The following MFSD6L variants were observed in gnomAD, a reference collection of about 807,000 sequenced individuals.
MFSD6L encodes major facilitator superfamily domain-containing protein 6-like.
In MFSD6L, 9 loss-of-function variants were observed where a neutral mutation model predicts 6.4. The ratio of observed to expected loss-of-function variants is 1.42; its 90% confidence interval spans 0.85 to 2.47. The LOEUF (loss-of-function observed/expected upper bound fraction) is 2.47, where lower values mean the gene tolerates loss of function less well. Among genes scored for constraint, MFSD6L ranks in the 30% most tolerant of loss-of-function variants. The probability of loss-of-function intolerance (pLI) is 0.00; values close to 1 mark genes in which losing one functional copy is unlikely to be tolerated. For missense variants in MFSD6L, 747 were observed against 730.6 expected (o/e 1.02, Z -0.26); for synonymous variants, 336 against 322.4 (o/e 1.04, Z -0.45).
At position 8,798,914 on chromosome 17, in the gene MFSD6L, C is replaced by T. The variant is rs1162191715; in HGVS notation, c.207G>A (p.Leu69=). Residue 69 remains leucine, a synonymous_variant, in exon 1 of 1, where the codon CTG becomes CTA. Coordinates refer to ENST00000329805, the MANE Select transcript of MFSD6L (RefSeq NM_152599.4). ...AAFWAPVCAF[L]AKSYRKRRAL... Reference sequence around the variant, plus strand: ...CTCTCCTTTTCCGGTAGCTTTTGGCCAGGAAGGCACAGACGGGAGCCCAGA... The same window carrying T: ...CTCTCCTTTTCCGGTAGCTTTTGGCTAGGAAGGCACAGACGGGAGCCCAGA... 2 of 1,613,740 alleles carry T rather than the reference C, an allele frequency of 1.2e-6. No homozygotes were observed. Among genetic ancestry groups the T allele is most frequent in the South Asian group, 2.2e-5 (2 of 91,070 alleles).
In MFSD6L at chr17:8,798,179, C is replaced by G. The variant is rs189267287; in HGVS notation, c.942G>C (p.Met314Ile). 3.7e-4 allele frequency: 597 copies of G among 1,613,114 alleles called. 4 individuals carry two copies. The East Asian group carries it at 9.4e-3, about 25-fold the overall frequency. ...GGACCACACCTCGGGGGCCACTGGT[C>G]ATCAGGAAGCAGTCCAGCTGCCCCA... is the stretch of plus-strand genomic sequence containing the variant. ...ALVGQLDCFL[M>I]TSGPRGVVHF... Residue 314 changes from methionine (M) to isoleucine (I), a missense_variant, in exon 1 of 1, where the codon ATG becomes ATC. Transcript: ENST00000329805.
Position 8,799,212 on chromosome 17 carries a change from G to C in MFSD6L, c.-92C>G. On this transcript the variant is annotated 5_prime_UTR_variant, in exon 1 of 1. Transcript: ENST00000329805. This position sits in a 1 kb window ranked among gnomAD's most constrained non-coding sequence, Gnocchi z 5.3. The stretch of plus-strand genomic sequence containing the variant: ...CAGGTACCCGGGAGGGAGGCTTGGG[G>C]GACCGGGGCTCGGAGCGAGTGGGAC... 2 of 1,233,630 alleles carry C rather than the reference G, an allele frequency of 1.6e-6. No individual in the cohort carries two copies. Among genetic ancestry groups the C allele is most frequent in the Non-Finnish European group, 1.1e-6 (1 of 919,382 alleles). 76.4% of individuals were successfully genotyped at this position (1,233,630 alleles called of 1,614,324 possible). A position where few individuals can be genotyped will look rare whatever the true frequency, so the allele number is the denominator to read the frequency against.
In MFSD6L at chr17:8,798,580, T is replaced by C. The variant is rs199987411; in HGVS notation, c.541A>G (p.Thr181Ala). The C allele has an allele frequency of 3.1e-6, 5 of 1,614,066 alleles. No homozygotes were observed. The highest frequency in any genetic ancestry group is 4.2e-6 in the Non-Finnish European group (5 of 1,180,020). ...GGATGGAGGAGAGCTTGGGATGTGGTCCTAGCTCCTTCAACGGAGGGCGCT... is the reference window on the plus strand; with the variant it reads ...GGATGGAGGAGAGCTTGGGATGTGGCCCTAGCTCCTTCAACGGAGGGCGCT... Reference protein sequence around the residue: ...YLAPSVEGARTTSQALLHPVT... With the variant: ...YLAPSVEGARATSQALLHPVT... The change falls in exon 1 of 1, where the codon ACC becomes GCC. Residue 181 changes from threonine to alanine, a missense_variant. By Grantham distance (58) the Thr-to-Ala change is moderately conservative. Transcript: ENST00000329805.
rs184703337 is a variant in MFSD6L, at chr17:8,797,753, G to A, written c.1368C>T (p.Ser456=). Residue 456 remains serine, a synonymous_variant, in exon 1 of 1, where the codon TCC becomes TCT. Coordinates refer to ENST00000329805, the MANE Select transcript of MFSD6L (RefSeq NM_152599.4). The stretch of plus-strand genomic sequence containing the variant: ...CACTCAAGATCTGAATGGGGAGGAC[G>A]GACCACCAGCTCCAGAGGAAAGAGT... The part of the protein sequence containing the change: ...LYYSFLWSWW[S]VLPIQILSAI... 28 of 1,613,994 alleles carry A rather than the reference G, an allele frequency of 1.7e-5. No individual in the cohort carries two copies. Among genetic ancestry groups the A allele is most frequent in the African/African-American group, 1.5e-4 (11 of 75,028 alleles).
In MFSD6L at chr17:8,799,045, G is replaced by C. The variant is rs566056775; in HGVS notation, c.76C>G (p.Arg26Gly). The C allele has an allele frequency of 1.2e-6, 2 of 1,610,996 alleles. No individual in the cohort carries two copies. The highest frequency in any genetic ancestry group is 2.2e-5 in the South Asian group (2 of 90,726). The change falls in exon 1 of 1, where the codon CGG (arginine) becomes GGG (glycine). Residue 26 changes from arginine (R) to glycine (G), a missense_variant. Physicochemically the swap from Arg to Gly is moderately radical, Grantham distance 125. Coordinates refer to ENST00000329805, the MANE Select transcript of MFSD6L (RefSeq NM_152599.4). This position sits in a 1 kb window ranked among gnomAD's most constrained non-coding sequence, Gnocchi z 5.3. ...AGGAACGGGGTCACGCAGGCTTCCC[G>C]CACCCCGCACACCAGGTGGAAGAGC... Reference protein sequence around the residue: ...AKLFHLVCGVREACVTPFLTL... With the variant: ...AKLFHLVCGVGEACVTPFLTL...
chr17:8,797,943 A>G lies in MFSD6L; in HGVS notation c.1178T>C (p.Met393Thr), dbSNP rs372968963. The G allele has an allele frequency of 1.2e-4, 188 of 1,613,816 alleles. No individual in the cohort carries two copies. Among genetic ancestry groups the G allele is most frequent in the Non-Finnish European group, 1.5e-4 (180 of 1,180,016 alleles). ...STVQNFLFWH[M>T]KDHGSGELVM... ...CAGCTCGCCGCTCCCATGGTCCTTCATGTGCCAGAACAGAAAGTTCTGGAC... is the reference window on the plus strand; with the variant it reads ...CAGCTCGCCGCTCCCATGGTCCTTCGTGTGCCAGAACAGAAAGTTCTGGAC... The change falls in exon 1 of 1, where the codon ATG (methionine) becomes ACG (threonine). Residue 393 changes from methionine to threonine, a missense_variant. Met to Thr is a moderately conservative substitution (Grantham distance 81). Coordinates refer to ENST00000329805, the MANE Select transcript of MFSD6L (RefSeq NM_152599.4).
Position 8,798,194 on chromosome 17 carries a change from C to A in MFSD6L, c.927G>T (p.Leu309=). 6.2e-7 allele frequency: 1 copy of A among 1,612,580 alleles called. No individual in the cohort carries two copies. Among genetic ancestry groups the A allele is most frequent in the Non-Finnish European group, 8.5e-7 (1 of 1,179,992 alleles). Residue 309 remains leucine (L), a synonymous_variant, in exon 1 of 1, where the codon CTG becomes CTT. Transcript: ENST00000329805. ...GGCCACTGGTCATCAGGAAGCAGTCCAGCTGCCCCACCAAGGCTGTGATGC... is the reference window on the plus strand; with the variant it reads ...GGCCACTGGTCATCAGGAAGCAGTCAAGCTGCCCCACCAAGGCTGTGATGC... ...VCGITALVGQ[L]DCFLMTSGPR... is the part of the protein sequence containing the mutation.
Position 8,797,407 on chromosome 17 carries a change from C to T in MFSD6L, c.1714G>A (p.Glu572Lys), listed in dbSNP as rs768763075. 23 of 1,604,452 alleles carry T rather than the reference C, an allele frequency of 1.4e-5. No homozygotes were observed. Among genetic ancestry groups the T allele is most frequent in the Non-Finnish European group, 1.9e-5 (22 of 1,175,178 alleles). The change falls in exon 1 of 1, where the codon GAA becomes AAA. Residue 572 changes from glutamate to lysine, a missense_variant. Glu to Lys is a moderately conservative substitution (Grantham distance 56). Transcript: ENST00000329805. ...SDTSDSEQGTEQDWLVKAMRE... is the reference protein window; with the variant it reads ...SDTSDSEQGTKQDWLVKAMRE... ...ATGGCCTTCACAAGCCAGTCCTGTT[C>T]TGTCCCCTGCTCAGAGTCACTGGTG...
rs189596826 is a variant in MFSD6L, at chr17:8,797,528, C to G, written c.1593G>C (p.Leu531=). Residue 531 remains leucine (L), a synonymous_variant, in exon 1 of 1, where the codon CTG becomes CTC. Transcript: ENST00000329805. ...AVLYQACCVA[L]LLWLALLLSI... is the part of the protein sequence containing the mutation. Reference sequence around the variant, plus strand: ...ACAGGAGCAAGGCCAACCAGAGCAACAGGGCCACACAGCAGGCCTGGTAGA... The same window carrying G: ...ACAGGAGCAAGGCCAACCAGAGCAAGAGGGCCACACAGCAGGCCTGGTAGA... 1.5e-4 allele frequency: 246 copies of G among 1,613,962 alleles called. No individual in the cohort carries two copies. Among genetic ancestry groups the G allele is most frequent in the Non-Finnish European group, 2.0e-4 (240 of 1,179,898 alleles).
rs533367140 is a variant in MFSD6L at position 8,797,490 on chromosome 17, C to G, written c.1631G>C (p.Arg544Thr). ...WLALLLSIQR[R>T]LPRERKIKYS... The stretch of plus-strand genomic sequence containing the variant: ...CTTGATTTTCCGCTCTCGGGGCAGC[C>G]TCCGCTGTATGGACAGGAGCAAGGC... The change falls in exon 1 of 1, where the codon AGG (arginine) becomes ACG (threonine). Residue 544 changes from arginine (R) to threonine (T), a missense_variant. Coordinates refer to ENST00000329805, the MANE Select transcript of MFSD6L (RefSeq NM_152599.4). 4.3e-6 allele frequency: 7 copies of G among 1,614,174 alleles called. No homozygotes were observed. The East Asian group carries it at 1.6e-4, about 36-fold the overall frequency.
chr17:8,798,588 C>T lies in MFSD6L; in HGVS notation c.533G>A (p.Gly178Glu). 1.9e-6 allele frequency: 3 copies of T among 1,614,154 alleles called. No homozygotes were observed. In the South Asian group the frequency reaches 3.3e-5, roughly 18 times the overall value. Residue 178 changes from glycine to glutamate, a missense_variant, in exon 1 of 1, where the codon GGA becomes GAA. Transcript: ENST00000329805. ...LHVYLAPSVE[G>E]ARTTSQALLH... is the part of the protein sequence containing the mutation. ...GAGAGCTTGGGATGTGGTCCTAGCTCCTTCAACGGAGGGCGCTAAGTAGAC... is the reference window on the plus strand; with the variant it reads ...GAGAGCTTGGGATGTGGTCCTAGCTTCTTCAACGGAGGGCGCTAAGTAGAC...
Position 8,797,427 on chromosome 17 carries a change from C to T in MFSD6L, c.1694G>A (p.Ser565Asn). Reference protein sequence around the residue: ...KLLSMEVSDTSDSEQGTEQDW... With the variant: ...KLLSMEVSDTNDSEQGTEQDW... ...CTGTTCTGTCCCCTGCTCAGAGTCACTGGTGTCACTCACCTCCATGGACAG... is the reference window on the plus strand; with the variant it reads ...CTGTTCTGTCCCCTGCTCAGAGTCATTGGTGTCACTCACCTCCATGGACAG... The change falls in exon 1 of 1, where the codon AGT becomes AAT. Residue 565 changes from serine to asparagine, a missense_variant. Ser to Asn is a conservative substitution (Grantham distance 46). Coordinates refer to ENST00000329805, the MANE Select transcript of MFSD6L (RefSeq NM_152599.4). 3 of 1,612,028 alleles carry T rather than the reference C, an allele frequency of 1.9e-6. 1 individual carries two copies. Among genetic ancestry groups the T allele is most frequent in the South Asian group, 2.2e-5 (2 of 90,670 alleles).
Position 8,798,106 on chromosome 17 carries a change from T to A in MFSD6L, c.1015A>T (p.Ile339Phe). 1 of 1,613,934 alleles carries A rather than the reference T, an allele frequency of 6.2e-7. No homozygotes were observed. Reference sequence around the variant, plus strand: ...TGACAGATGGGAATGGGAAAGGCAATGCTCACCAGTAAGGCCAGGGTGCTG... The same window carrying A: ...TGACAGATGGGAATGGGAAAGGCAAAGCTCACCAGTAAGGCCAGGGTGCTG... ...VVSTLALLVS[I>F]AFPIPICQQW... The change falls in exon 1 of 1, where the codon ATT becomes TTT. Residue 339 changes from isoleucine (I) to phenylalanine (F), a missense_variant. By Grantham distance (21) the Ile-to-Phe change is conservative (BLOSUM62 0). Coordinates refer to ENST00000329805, the MANE Select transcript of MFSD6L (RefSeq NM_152599.4).
Position 8,798,170 on chromosome 17 carries a change from G to A in MFSD6L, c.951C>T (p.Gly317=). The change falls in exon 1 of 1, where the codon GGC becomes GGT. Residue 317 remains glycine, a synonymous_variant. Transcript: ENST00000329805. ...CATAGAAGTGGACCACACCTCGGGG[G>A]CCACTGGTCATCAGGAAGCAGTCCA... ...GQLDCFLMTS[G]PRGVVHFYGY... 6.2e-7 allele frequency: 1 copy of A among 1,613,278 alleles called. No individual in the cohort carries two copies. Among genetic ancestry groups the A allele is most frequent in the Non-Finnish European group, 8.5e-7 (1 of 1,179,972 alleles).
Position 8,798,443 on chromosome 17 carries a change from T to C in MFSD6L, c.678A>G (p.Ser226=). The C allele has an allele frequency of 6.2e-7, 1 of 1,607,344 alleles. No homozygotes were observed. The highest frequency in any genetic ancestry group is 1.1e-5 in the South Asian group (1 of 90,318). Reference sequence around the variant, plus strand: ...AAGCCCAGGCTTTCCCCTTGGTCCCTGACAAATTGGCTGGATTCCCGGGCC... The same window carrying C: ...AAGCCCAGGCTTTCCCCTTGGTCCCCGACAAATTGGCTGGATTCCCGGGCC... The part of the protein sequence containing the change: ...GKGPGNPANL[S]GTKGKAWAFD... Residue 226 remains serine, a synonymous_variant, in exon 1 of 1, where the codon TCA becomes TCG. Transcript: ENST00000329805.
In MFSD6L at chr17:8,797,935, G is replaced by A. The variant is rs2087013846; in HGVS notation, c.1186C>T (p.His396Tyr). 3 of 1,613,956 alleles carry A rather than the reference G, an allele frequency of 1.9e-6. No homozygotes were observed. Among genetic ancestry groups the A allele is most frequent in the Middle Eastern group, 1.6e-4 (1 of 6,062 alleles). ...CCCATGACCAGCTCGCCGCTCCCATGGTCCTTCATGTGCCAGAACAGAAAG... is the reference window on the plus strand; with the variant it reads ...CCCATGACCAGCTCGCCGCTCCCATAGTCCTTCATGTGCCAGAACAGAAAG... The part of the protein sequence containing the change: ...QNFLFWHMKD[H>Y]GSGELVMGFS... The change falls in exon 1 of 1, where the codon CAT becomes TAT. Residue 396 changes from histidine (H) to tyrosine (Y), a missense_variant. His to Tyr is a moderately conservative substitution (Grantham distance 83, BLOSUM62 2). Coordinates refer to ENST00000329805, the MANE Select transcript of MFSD6L (RefSeq NM_152599.4).
rs1404095793 is a variant in MFSD6L at position 8,799,179 on chromosome 17, C to A, written c.-59G>T. On this transcript the variant is annotated 5_prime_UTR_variant, in exon 1 of 1. Coordinates refer to ENST00000329805, the MANE Select transcript of MFSD6L (RefSeq NM_152599.4). The surrounding 1 kb of genome is among the most constrained non-coding windows in gnomAD (Gnocchi z 5.3). Reference sequence around the variant, plus strand: ...AGGGCGGAGCTGGGCGCAGGGCGGGCGCGGCCCCAGGTACCCGGGAGGGAG... The same window carrying A: ...AGGGCGGAGCTGGGCGCAGGGCGGGAGCGGCCCCAGGTACCCGGGAGGGAG... 6.9e-7 allele frequency: 1 copy of A among 1,455,868 alleles called. No individual in the cohort carries two copies. Among genetic ancestry groups the A allele is most frequent in the Non-Finnish European group, 9.1e-7 (1 of 1,099,872 alleles). The allele number at this position is 1,455,868 out of a possible 1,614,324, so 90.2% of individuals were successfully genotyped here.
rs377452108 is a variant in MFSD6L at position 8,798,624 on chromosome 17, C to T, written c.497G>A (p.Arg166His). 8.5e-5 allele frequency: 138 copies of T among 1,614,060 alleles called. No homozygotes were observed. Among genetic ancestry groups the T allele is most frequent in the Non-Finnish European group, 1.1e-4 (132 of 1,180,044 alleles). Residue 166 changes from arginine (R) to histidine (H), a missense_variant, in exon 1 of 1, where the codon CGT becomes CAT. By Grantham distance (29) the Arg-to-His change is conservative (BLOSUM62 0). Transcript: ENST00000329805. ...PPGESDRETF[R>H]DLHVYLAPSV... ...GGGCGCTAAGTAGACGTGCAGATCA[C>T]GGAAAGTTTCTCGGTCACTTTCACC...
In MFSD6L at chr17:8,797,828, C is replaced by G; in HGVS notation, c.1293G>C (p.Thr431=). 2.5e-6 allele frequency: 4 copies of G among 1,614,006 alleles called. No homozygotes were observed. The highest frequency in any genetic ancestry group is 1.1e-5 in the South Asian group (1 of 91,076). The change falls in exon 1 of 1, where the codon ACG becomes ACC. Residue 431 remains threonine (T), a synonymous_variant. Transcript: ENST00000329805. The part of the protein sequence containing the change: ...KATLLRKLSR[T]GLVGLGLSCL... Reference sequence around the variant, plus strand: ...AGCTCAGCCCCAGCCCCACCAGGCCCGTCCTGGACAGTTTCCTAAGCAATG... The same window carrying G: ...AGCTCAGCCCCAGCCCCACCAGGCCGGTCCTGGACAGTTTCCTAAGCAATG...
Sources: gnomAD v4.1 joint callset for allele counts on GRCh38, gnomAD v4.1.1 for gene constraint, Gnocchi (gnomAD v3.1) non-coding constraint, MANE v1.5 for transcripts, NCBI Gene and HGNC (gene_info 2026-07-23, HGNC 2026-07-21) for gene names.